Variants in EPB41L3 observed in about 807,000 individuals in gnomAD.
EPB41L3 encodes band 4.1-like protein 3.
Under a neutral mutation model 127.1 loss-of-function variants are expected in EPB41L3, and 57 were observed. That is an observed-to-expected ratio of 0.45 (90% CI 0.36 to 0.56). The LOEUF (loss-of-function observed/expected upper bound fraction) is 0.56, where lower values mean the gene tolerates loss of function less well. Ranked by LOEUF, EPB41L3 falls within the 20% of genes least tolerant of loss-of-function variation. The pLI is 0.00. For missense variants in EPB41L3, 1,273 were observed against 1,372.2 expected, an observed-to-expected ratio of 0.93 and a Z score of 1.14; for synonymous variants, 572 against 549.5, an observed-to-expected ratio of 1.04 and a Z score of -0.57.
intron 3 of EPB41L3, among the ~76,000 whole-genome samples, chr18:5,610,584 G>A (rs181884843): frequency 2.8e-4 from 42 of 152,070 alleles, no homozygotes; most frequent in African/African-American, 9.6e-4. Context: ...GGGGATGGGG[G>A]GACTTCTGCA....
chr18:5,604,984 C>T (rs1436205797), intron 3 of EPB41L3, among the ~76,000 whole-genome samples: 2 of 152,178 alleles, frequency 1.3e-5, no homozygotes, highest in Admixed American at 6.5e-5. Context: ...TGGCCCTTAG[C>T]TGTCAACCAT....
intron 1 of EPB41L3, among the ~76,000 whole-genome samples, chr18:5,535,654 A>T (rs2148983238): frequency 6.6e-6 from 1 of 152,332 alleles, no homozygotes; most frequent in Non-Finnish European, 1.5e-5. Context: ...ATCATCTCAC[A>T]GAAGCCTGGG....
intron 3 of EPB41L3, among the ~76,000 whole-genome samples, chr18:5,592,280 C>A (rs1289120436): frequency 6.6e-6 from 1 of 152,126 alleles, no homozygotes; most frequent in Non-Finnish European, 1.5e-5. Flanking sequence ...GATTCTCCTG[C>A]CTCAGCCTCC....
intron 3 of EPB41L3, among the ~76,000 whole-genome samples, chr18:5,591,275 TG>T: frequency 6.6e-6 from 1 of 152,300 alleles, no homozygotes; most frequent in East Asian, 1.9e-4. Context: ...TGCCACAAAC[TG>T]GGTAACCTAT....
At chr18:5,590,945 G>A (rs929433209) in intron 3 of EPB41L3, among the ~76,000 whole-genome samples, 1 of 152,118 alleles carries the variant, frequency 6.6e-6, no homozygotes, top group East Asian at 1.9e-4. Flanking sequence ...TAGCACATGG[G>A]AGTTTTTTAT....
At chr18:5,458,898 T>C (rs938873889) in intron 3 of EPB41L3, among the ~76,000 whole-genome samples, 1 of 152,214 alleles carries the variant, frequency 6.6e-6, no homozygotes, top group Non-Finnish European at 1.5e-5. Context: ...ATGAGTGCTT[T>C]AAAATTTTCA....
At chr18:5,415,047 C>T (rs1024609595) in intron 13 of EPB41L3, among the ~76,000 whole-genome samples, 1 of 152,214 alleles carries the variant, frequency 6.6e-6, no homozygotes, top group African/African-American at 2.4e-5. Context: ...GAAAGAATCG[C>T]TGTCATATTA....
chr18:5,479,924 T>C (rs1440792008), intron 2 of EPB41L3: 1 of 152,164 alleles, frequency 6.6e-6, no homozygotes, highest in African/African-American at 2.4e-5. Context: ...GAAGTTTGGT[T>C]ACTTTGGTAT....
chr18:5,561,733 G>A (rs1055213867), intron 3 of EPB41L3, among the ~76,000 whole-genome samples: 5 of 152,126 alleles, frequency 3.3e-5, no homozygotes, highest in South Asian at 4.2e-4. Context: ...ACTTATTATC[G>A]CAAAGGGAAA....
chr18:5,606,072 G>A (rs1233144285), intron 3 of EPB41L3, among the ~76,000 whole-genome samples: 1 of 152,142 alleles, frequency 6.6e-6, no homozygotes, highest in Admixed American at 6.6e-5. Context: ...GCATCCAGTA[G>A]GCAGTAATAG....
intron 1 of EPB41L3, among the ~76,000 whole-genome samples, chr18:5,510,874 C>T (rs1195166072): frequency 6.6e-6 from 1 of 151,964 alleles, no homozygotes; most frequent in Non-Finnish European, 1.5e-5. Flanking sequence ...AATATTTTTA[C>T]CTTAAAAGCT....
intron 3 of EPB41L3, among the ~76,000 whole-genome samples, chr18:5,566,744 ATT>A (rs2094206508): frequency 7.8e-6 from 1 of 128,082 alleles, no homozygotes; most frequent in Non-Finnish European, 1.6e-5. Context: ...ATTCTATTCT[ATT>A]CTATTCTATT....
chr18:5,408,098 T>C (rs548833731), intron 14 of EPB41L3, among the ~76,000 whole-genome samples: 8 of 152,194 alleles, frequency 5.3e-5, no homozygotes, highest in Admixed American at 2.6e-4. Context: ...AGAATAGCTA[T>C]GATGACACAA....
Position 5,593,639 on chromosome 18 carries a change from C to G in EPB41L3, c.-306+18701G>C, listed in dbSNP as rs1266365368. ...CAGGGTTTGAGAGCAACCGGTCTGA[C>G]CAAAATTTATTAGGCGGGAATTTCC... On this transcript the variant is annotated intron_variant, in intron 3 of 21. Transcript: ENST00000545076. 2.0e-5 allele frequency among the ~76,000 whole-genome samples: 3 copies of G among 152,214 alleles called. No individual in the cohort carries two copies. In the East Asian group the frequency reaches 5.8e-4, roughly 30 times the overall value.
intron 3 of EPB41L3, among the ~76,000 whole-genome samples, chr18:5,475,074 TCCA>T (rs1281079052): frequency 2.0e-5 from 3 of 152,212 alleles, no homozygotes; most frequent in Non-Finnish European, 4.4e-5. Flanking sequence ...TTTCCTATCC[TCCA>T]CCAATCTTAT....
chr18:5,521,558 A>G (rs2092991059), intron 1 of EPB41L3: 1 of 152,232 alleles, frequency 6.6e-6, no homozygotes, highest in African/African-American at 2.4e-5. Context: ...TGAGTACAGT[A>G]TTTGTATTGA....
chr18:5,476,896 C>T (rs950929247), intron 3 of EPB41L3, among the ~76,000 whole-genome samples: 14 of 152,082 alleles, frequency 9.2e-5, no homozygotes, highest in African/African-American at 4.8e-5. Context: ...GTTTTGTGCA[C>T]GGTCCTTGGG....
At chr18:5,454,036 A>G (rs1038767035) in intron 3 of EPB41L3, among the ~76,000 whole-genome samples, 4 of 152,152 alleles carry the variant, frequency 2.6e-5, no homozygotes, top group Non-Finnish European at 5.9e-5. Context: ...TGGAGACTCT[A>G]AAGAGTTCGG....
intron 16 of EPB41L3, among the ~76,000 whole-genome samples, chr18:5,404,381 G>A (rs1300111945): frequency 6.6e-6 from 1 of 152,192 alleles, no homozygotes; most frequent in Admixed American, 6.5e-5. Context: ...GAGTATGCCA[G>A]CCTTTGCTCT....
Sources: gnomAD v4.1 joint callset for allele counts (sites outside exome capture counted in the v4.1 genomes callset) on GRCh38, gnomAD v4.1.1 for gene constraint, MANE v1.5 for transcripts, NCBI Gene and HGNC (gene_info 2026-07-23, HGNC 2026-07-21) for gene names.